Variants in BCAS3 observed in about 807,000 individuals in gnomAD.
BCAS3 encodes the protein BCAS4/BCAS3 fusion.
Under a neutral mutation model 116.1 loss-of-function variants are expected in BCAS3, and 53 were observed. That is an observed-to-expected ratio of 0.46 (90% CI 0.37 to 0.57). The LOEUF (loss-of-function observed/expected upper bound fraction) is 0.57. Ranked by LOEUF, BCAS3 falls within the 20% of genes least tolerant of loss-of-function variation. The pLI is 0.00. For missense variants in BCAS3, 917 were observed against 1,165.4 expected (o/e 0.79, Z 3.10); for synonymous variants, 391 against 408.2 (o/e 0.96, Z 0.51).
intron 22 of BCAS3, among the ~76,000 whole-genome samples, chr17:61,154,540 G>A (rs2077723296): frequency 6.6e-6 from 1 of 151,710 alleles, no homozygotes; most frequent in Non-Finnish European, 1.5e-5. Flanking sequence ...GGCTCAAGCA[G>A]TTCTCCCAAC....
chr17:61,382,294 C>T, intron 23 of BCAS3, among the ~76,000 whole-genome samples: 1 of 150,470 alleles, frequency 6.6e-6, no homozygotes, highest in East Asian at 2.0e-4. Context: ...GAGTTTCACT[C>T]TTGTTGCCCA....
chr17:60,693,885 A>ATTTTTT (rs202004899), intron 4 of BCAS3, among the ~76,000 whole-genome samples: 1 of 131,506 alleles, frequency 7.6e-6, no homozygotes, highest in Admixed American at 7.7e-5. Flanking sequence ...AAAAATTTTA[A>ATTTTTT]TTTTTTTTTT....
chr17:60,949,532 T>G (rs1371753257), intron 14 of BCAS3, among the ~76,000 whole-genome samples: 1 of 152,182 alleles, frequency 6.6e-6, no homozygotes, highest in Non-Finnish European at 1.5e-5. Context: ...TGCCTCAGCC[T>G]CCCAACGTGC....
intron 14 of BCAS3, among the ~76,000 whole-genome samples, chr17:60,982,410 C>T (rs1378915554): frequency 2.6e-5 from 4 of 152,106 alleles, no homozygotes; most frequent in Non-Finnish European, 2.9e-5. Context: ...TGGGCTTAAG[C>T]GATCCTTCTA....
At chr17:60,755,306 C>T (rs7503598) in intron 6 of BCAS3, among the ~76,000 whole-genome samples, 110,350 of 152,060 alleles carry the variant, frequency 0.73, 45,744 homozygotes, top group South Asian at 0.98. Flanking sequence ...GCTTGATACT[C>T]TTCAGATAAC....
In BCAS3 at chr17:61,056,584, T is replaced by G. The variant is rs2069409147; in HGVS notation, c.2029+15692T>G. 6.6e-6 allele frequency among the ~76,000 whole-genome samples: 1 copy of G among 152,146 alleles called. No individual in the cohort carries two copies. Among genetic ancestry groups the G allele is most frequent in the Non-Finnish European group, 1.5e-5 (1 of 68,016 alleles). ...TTGTATTAACAAAGCCCTATTCCCC[T>G]TAGAACTTACTGATGTTGTGTTTAT... On this transcript the variant is annotated intron_variant, in intron 19 of 23. Coordinates refer to ENST00000407086, the MANE Select transcript of BCAS3 (RefSeq NM_017679.5). This position sits in a 1 kb window ranked among gnomAD's most constrained non-coding sequence, Gnocchi z 4.9.
intron 22 of BCAS3, among the ~76,000 whole-genome samples, chr17:61,232,365 A>G (rs1384788673): frequency 6.6e-6 from 1 of 151,684 alleles, no homozygotes; most frequent in East Asian, 1.9e-4. Flanking sequence ...AATGACAGAT[A>G]CTGATTGTAA....
chr17:60,854,117 T>G (rs1027416537), intron 7 of BCAS3, among the ~76,000 whole-genome samples: 9 of 152,242 alleles, frequency 5.9e-5, no homozygotes, highest in Admixed American at 5.9e-4. Flanking sequence ...GTTCTCATTG[T>G]TCAATTCCCA....
At chr17:60,811,360 C>T (rs538562061) in intron 7 of BCAS3, 2 of 637,710 alleles carry the variant, frequency 3.1e-6, no homozygotes, top group Non-Finnish European at 5.7e-6. Flanking sequence ...ATACCCCAGA[C>T]AGCAGCAACT....
rs538982589 is a variant in BCAS3 at position 61,188,050 on chromosome 17, A to G, written c.2425+103486A>G. ...AAATTTAAAAATGTTCCTGTCTTTA[A>G]CATTCATCTTCCAGTGTACAAATGC... On this transcript the variant is annotated intron_variant, in intron 22 of 23. Transcript: ENST00000407086. This position sits in a 1 kb window ranked among gnomAD's most constrained non-coding sequence, Gnocchi z 4.0. Among the ~76,000 whole-genome samples, 1 of 152,186 alleles carries G rather than the reference A, an allele frequency of 6.6e-6. No individual in the cohort carries two copies. The highest frequency in any genetic ancestry group is 1.5e-5 in the Non-Finnish European group (1 of 68,032).
intron 13 of BCAS3, 68 bp downstream of exon 13, chr17:60,924,568 A>G: frequency 8.3e-7 from 1 of 1,201,576 alleles, no homozygotes; most frequent in Non-Finnish European, 1.2e-6. Context: ...TTTTCCAGCC[A>G]AATATGGAAT....
rs911197137 is a variant in BCAS3 at position 61,381,741 on chromosome 17, C to T, written c.2594-10236C>T. On this transcript the variant is annotated intron_variant, in intron 23 of 23. Transcript: ENST00000407086. This position sits in a 1 kb window ranked among gnomAD's most constrained non-coding sequence, Gnocchi z 6.0. ...GCGTGTGTGTGCCTGTCCCCAGGGC[C>T]AGCATTCTTCAGCACGCAGATGCCA... 6.6e-6 allele frequency among the ~76,000 whole-genome samples: 1 copy of T among 152,178 alleles called. No individual in the cohort carries two copies. The highest frequency in any genetic ancestry group is 1.5e-5 in the Non-Finnish European group (1 of 68,032).
At chr17:60,722,054 G>A (rs1351255452) in intron 5 of BCAS3, among the ~76,000 whole-genome samples, 1 of 152,088 alleles carries the variant, frequency 6.6e-6, no homozygotes, top group Admixed American at 6.6e-5. Flanking sequence ...ATTTTGCTGT[G>A]TTGTATCTAT....
chr17:61,234,945 T>C (rs2082917432), intron 22 of BCAS3, among the ~76,000 whole-genome samples: 3 of 152,156 alleles, frequency 2.0e-5, no homozygotes, highest in Admixed American at 2.0e-4. Flanking sequence ...AGGAGTGCAG[T>C]GGCATGATCT....
At chr17:60,712,413 G>C (rs2038049373) in intron 5 of BCAS3, among the ~76,000 whole-genome samples, 1 of 151,670 alleles carries the variant, frequency 6.6e-6, no homozygotes, top group South Asian at 2.1e-4. Flanking sequence ...GGGAAAATAA[G>C]CTTCTTATAT....
intron 15 of BCAS3, among the ~76,000 whole-genome samples, chr17:60,999,564 AG>A (rs1202256948): frequency 8.5e-4 from 126 of 147,754 alleles, no homozygotes; most frequent in Middle Eastern, 3.5e-3. Flanking sequence ...AAAAAAAAAA[AG>A]AAAAAGAAAA....
Position 61,388,941 on chromosome 17 carries a change from C to G in BCAS3, c.2594-3036C>G. The G allele has an allele frequency of 1.9e-6, 1 of 526,036 alleles. No homozygotes were observed. Among genetic ancestry groups the G allele is most frequent in the East Asian group, 3.1e-5 (1 of 32,110 alleles). 32.6% of individuals were successfully genotyped at this position (526,036 alleles called of 1,614,324 possible). On this transcript the variant is annotated intron_variant, in intron 23 of 23. Coordinates refer to ENST00000407086, the MANE Select transcript of BCAS3 (RefSeq NM_017679.5). The surrounding 1 kb of genome is among the most constrained non-coding windows in gnomAD (Gnocchi z 6.5). ...GTTAGTCTGTGTTGAAGAATGGGCC[C>G]CCACCTCCCCTTACCACATCATTCA...
chr17:60,912,903 C>T (rs1214250234), intron 12 of BCAS3, among the ~76,000 whole-genome samples: 1 of 151,882 alleles, frequency 6.6e-6, no homozygotes, highest in Non-Finnish European at 1.5e-5. Context: ...GGGATTATTT[C>T]AAAATAGAAA....
intron 6 of BCAS3, among the ~76,000 whole-genome samples, chr17:60,763,899 T>C (rs1477856819): frequency 6.6e-6 from 1 of 152,234 alleles, no homozygotes; most frequent in East Asian, 1.9e-4. Flanking sequence ...ATTCAGAGAT[T>C]CAACTTCTTC....
Sources: allele counts gnomAD v4.1 joint callset (sites outside exome capture counted in the v4.1 genomes callset), GRCh38; gene constraint gnomAD v4.1.1; non-coding constraint Gnocchi (gnomAD v3.1); transcripts MANE v1.5; gene names NCBI Gene and HGNC (gene_info 2026-07-23, HGNC 2026-07-21).